KLHL7: variants seen among roughly 807,000 people sequenced by gnomAD.
KLHL7 encodes the protein kelch-like protein 7.
KLHL7 carries 44 observed loss-of-function variants against 67.4 expected under a neutral mutation model. That is an observed-to-expected ratio of 0.65 (90% CI 0.51 to 0.84). The LOEUF is 0.84. KLHL7 is among the 40% of genes least tolerant of loss of function. The pLI is 0.00. For missense variants in KLHL7, 362 were observed against 718.1 expected (o/e 0.50, Z 5.67); for synonymous variants, 252 against 243.3 (o/e 1.04, Z -0.33).
chr7:23,123,863 T>C lies in KLHL7; in HGVS notation c.207T>C (p.Phe69=). 1.2e-6 allele frequency: 2 copies of C among 1,609,874 alleles called. No individual in the cohort carries two copies. Among genetic ancestry groups the C allele is most frequent in the African/African-American group, 1.3e-5 (1 of 74,942 alleles). ...RVVLAAASHF[F]NLMFTTNMLE... The stretch of plus-strand genomic sequence containing the variant: ...TTCTTGCTGCAGCCAGTCATTTTTT[T>C]AACTTAATGTTCACAAGTAAGTATC... Residue 69 remains phenylalanine, a synonymous_variant, in exon 2 of 11, where the codon TTT becomes TTC. Coordinates refer to ENST00000339077, the MANE Select transcript of KLHL7 (RefSeq NM_001031710.3).
At chr7:23,159,302 T>A (rs1389028862) in intron 7 of KLHL7, among the ~76,000 whole-genome samples, 1 of 152,092 alleles carries the variant, frequency 6.6e-6, no homozygotes, top group East Asian at 1.9e-4. Flanking sequence ...TAGCAGGGAC[T>A]ACAGGCGTGC....
chr7:23,126,491 G>C (rs1002120928), intron 4 of KLHL7, among the ~76,000 whole-genome samples: 2 of 152,114 alleles, frequency 1.3e-5, no homozygotes, highest in African/African-American at 4.8e-5. Flanking sequence ...AAAGTATAAA[G>C]AGGGGTCAAA....
At chr7:23,141,826 T>C (rs1054657588) in intron 5 of KLHL7, among the ~76,000 whole-genome samples, 4 of 152,138 alleles carry the variant, frequency 2.6e-5, no homozygotes, top group Non-Finnish European at 5.9e-5. Context: ...GGTTTCACCG[T>C]GTTAGCCAGG....
chr7:23,167,711 T>C (rs1019269669), intron 8 of KLHL7, 125 bp from the exon 9 acceptor site: 7 of 764,094 alleles, frequency 9.2e-6, no homozygotes, highest in Non-Finnish European at 1.6e-5. Context: ...TGTTGTTGAT[T>C]GAGTATGAAA....
At chr7:23,135,348 A>T (rs1430576762) in intron 4 of KLHL7, among the ~76,000 whole-genome samples, 1 of 152,176 alleles carries the variant, frequency 6.6e-6, no homozygotes, top group African/African-American at 2.4e-5. Flanking sequence ...TTTGTGACCT[A>T]GCATATGGTC....
intron 9 of KLHL7, chr7:23,168,246 A>G (rs886627644): frequency 2.2e-5 from 13 of 580,998 alleles, no homozygotes; most frequent in African/African-American, 1.9e-4. Context: ...ACCCCATGGG[A>G]ACCTCTTTCT....
rs148317388 is a variant in KLHL7 at position 23,174,163 on chromosome 7, A to G, written c.1626A>G (p.Leu542=). ...CTGGTTTTCAGGGTGTTGGTCGATT[A>G]GGACACATTCTCGAATATAATACCG... ...VLAGFQGVGR[L]GHILEYNTET... Residue 542 remains leucine (L), a synonymous_variant, in exon 11 of 11, where the codon TTA becomes TTG. Transcript: ENST00000339077. 3.1e-6 allele frequency: 5 copies of G among 1,614,202 alleles called. No homozygotes were observed. The highest frequency in any genetic ancestry group is 2.2e-5 in the East Asian group (1 of 44,886).
At chr7:23,164,845 G>A (rs1175779168) in intron 7 of KLHL7, among the ~76,000 whole-genome samples, 1 of 152,200 alleles carries the variant, frequency 6.6e-6, no homozygotes, top group East Asian at 1.9e-4. Flanking sequence ...TTTCCTTGGT[G>A]AGATTGGGAA....
intron 1 of KLHL7, among the ~76,000 whole-genome samples, chr7:23,121,310 G>A (rs1347529509): frequency 6.6e-6 from 1 of 152,006 alleles, no homozygotes; most frequent in Admixed American, 6.5e-5. Context: ...GGGTGCAGAT[G>A]TCTCTTTGTT....
At chr7:23,132,153 C>A (rs538745780) in intron 4 of KLHL7, among the ~76,000 whole-genome samples, 1 of 152,286 alleles carries the variant, frequency 6.6e-6, no homozygotes, top group African/African-American at 2.4e-5. Flanking sequence ...GATTTCCTTT[C>A]TTTTGGGTAT....
intron 5 of KLHL7, among the ~76,000 whole-genome samples, chr7:23,143,580 A>G (rs569290870): frequency 8.8e-6 from 1 of 113,498 alleles, no homozygotes; most frequent in East Asian, 2.2e-4. Context: ...CTGAAAAGGA[A>G]GCTATCTTTT....
At chr7:23,115,805 A>G (rs1783064072) in intron 1 of KLHL7, among the ~76,000 whole-genome samples, 1 of 152,036 alleles carries the variant, frequency 6.6e-6, no homozygotes, top group Admixed American at 6.6e-5. Flanking sequence ...AGCCTCCCAA[A>G]GTGCTGGGAT....
chr7:23,158,275 G>A (rs1784765257), intron 7 of KLHL7, among the ~76,000 whole-genome samples: 1 of 152,044 alleles, frequency 6.6e-6, no homozygotes. Flanking sequence ...CCTGGGGTGG[G>A]GTTTTAAGGG....
intron 1 of KLHL7, among the ~76,000 whole-genome samples, chr7:23,107,669 A>G (rs1460353372): frequency 6.6e-6 from 1 of 152,220 alleles, no homozygotes; most frequent in East Asian, 1.9e-4. Context: ...TAGAAGTACA[A>G]TTACTGAAAA....
At chr7:23,172,882 T>C in intron 9 of KLHL7, 66 bp from the exon 10 acceptor site, 3 of 1,120,992 alleles carry the variant, frequency 2.7e-6, no homozygotes, top group Non-Finnish European at 4.1e-6. Flanking sequence ...ATAATAGACC[T>C]TTCTCATTAG....
intron 1 of KLHL7, among the ~76,000 whole-genome samples, chr7:23,111,744 C>T (rs1325323702): frequency 6.8e-6 from 1 of 147,830 alleles, no homozygotes; most frequent in East Asian, 2.0e-4. Context: ...ATTGGTTGAA[C>T]CCGGGAGGCA....
In KLHL7 at chr7:23,105,787, G is replaced by T. The variant is rs555113492; in HGVS notation, c.-240G>T. ...GCGCAGGCTCCTGGGCAGGGCTCGG[G>T]TTCTGCCCGGGGACGCAGCCCAGTT... On this transcript the variant is annotated 5_prime_UTR_variant, in exon 1 of 11. Coordinates refer to ENST00000339077, the MANE Select transcript of KLHL7 (RefSeq NM_001031710.3). 1.3e-4 allele frequency: 71 copies of T among 553,252 alleles called. No individual in the cohort carries two copies. Among genetic ancestry groups the T allele is most frequent in the African/African-American group, 1.2e-3 (65 of 52,844 alleles). 34.3% of individuals were successfully genotyped at this position (553,252 alleles called of 1,614,324 possible). A position where few individuals can be genotyped will look rare whatever the true frequency, so the allele number is the denominator to read the frequency against.
intron 6 of KLHL7, among the ~76,000 whole-genome samples, chr7:23,147,872 G>C (rs1471308862): frequency 6.6e-6 from 1 of 152,194 alleles, no homozygotes; most frequent in East Asian, 1.9e-4. Context: ...ACCTGAAGCT[G>C]AAGTTGAAAC....
chr7:23,155,258 C>T (rs1784665959), intron 7 of KLHL7, among the ~76,000 whole-genome samples: 1 of 152,148 alleles, frequency 6.6e-6, no homozygotes, highest in Non-Finnish European at 1.5e-5. Flanking sequence ...ACTGTGAGGA[C>T]ACCGGCAATG....
Sources: allele counts gnomAD v4.1 joint callset (sites outside exome capture counted in the v4.1 genomes callset), GRCh38; gene constraint gnomAD v4.1.1; transcripts MANE v1.5; gene names NCBI Gene and HGNC (gene_info 2026-07-23, HGNC 2026-07-21).